Variants in RAB31 observed in about 807,000 individuals in gnomAD.
The protein encoded by RAB31 is RAB31, member RAS oncogene family.
RAB31 carries 21 observed loss-of-function variants against 25.6 expected under a neutral mutation model. The observed-to-expected ratio is 0.82, with a 90% CI of 0.58 to 1.18. RAB31 has a LOEUF of 1.18. RAB31 is among the 50% of genes most tolerant of loss of function. RAB31 has a pLI of 0.00. For synonymous variants in RAB31, 87 were observed against 84.0 expected (o/e 1.04, Z -0.20); for missense variants, 196 against 250.1 (o/e 0.78, Z 1.46).
chr18:9,805,658 C>T (rs550801014), intron 3 of RAB31, among the ~76,000 whole-genome samples: 16 of 152,322 alleles, frequency 1.1e-4, no homozygotes, highest in African/African-American at 3.9e-4. Context: ...CTATTCTGCC[C>T]ACCACACTCC....
chr18:9,773,272 C>T (rs931820182), intron 1 of RAB31, among the ~76,000 whole-genome samples: 2 of 152,102 alleles, frequency 1.3e-5, no homozygotes, highest in Non-Finnish European at 2.9e-5. Flanking sequence ...ATTTCAAATC[C>T]CACTTCATAT....
intron 2 of RAB31, among the ~76,000 whole-genome samples, chr18:9,785,936 C>G (rs944978675): frequency 2.0e-5 from 3 of 152,142 alleles, no homozygotes; most frequent in African/African-American, 7.2e-5. Flanking sequence ...TGGTGCATCC[C>G]TGTAATCCCA....
At chr18:9,737,307 G>GCA (rs138686159) in intron 1 of RAB31, among the ~76,000 whole-genome samples, 8 of 151,158 alleles carry the variant, frequency 5.3e-5, no homozygotes, top group East Asian at 3.9e-4. Flanking sequence ...GGTGACACGT[G>GCA]CACACACACA....
chr18:9,775,420 C>T (rs1450070015), intron 2 of RAB31, 63 bp downstream of exon 2: 4 of 1,601,362 alleles, frequency 2.5e-6, no homozygotes, highest in Non-Finnish European at 3.4e-6. Flanking sequence ...AATGACCACT[C>T]TGTCTGTGCC....
At position 9,719,330 on chromosome 18, in the gene RAB31, A is replaced by ATATATATAT. The variant is rs1568161334; in HGVS notation, c.39+10886_39+10887insTATATATAT. ...ATATATATATATATATATATATATA[A>ATATATATAT]ATAAATAAATTTGATCTAATTATGA... On this transcript the variant is annotated intron_variant, in intron 1 of 6. Transcript: ENST00000578921. 2.8e-3 allele frequency among the ~76,000 whole-genome samples: 95 copies of ATATATATAT among 33,666 alleles called. 8 individuals are homozygous for ATATATATAT. The highest frequency in any genetic ancestry group is 3.4e-3 in the Non-Finnish European group (62 of 18,416). 22.1% of individuals were successfully genotyped at this position (33,666 alleles called of 152,430 possible). A position where few individuals can be genotyped will look rare whatever the true frequency, so the allele number is the denominator to read the frequency against.
intron 2 of RAB31, among the ~76,000 whole-genome samples, chr18:9,786,471 C>T (rs895535438): frequency 6.6e-6 from 1 of 152,230 alleles, no homozygotes; most frequent in African/African-American, 2.4e-5. Flanking sequence ...TGAAGCCTGT[C>T]GATCAGAAGT....
intron 6 of RAB31, 69 bp from the exon 7 acceptor site, chr18:9,859,159 G>GT: frequency 7.5e-7 from 1 of 1,335,998 alleles, no homozygotes; most frequent in Non-Finnish European, 1.1e-6. Context: ...TTGAAGCAGG[G>GT]TGAAAATCTG....
chr18:9,733,883 G>C (rs1292701950), intron 1 of RAB31, among the ~76,000 whole-genome samples: 1 of 152,028 alleles, frequency 6.6e-6, no homozygotes, highest in African/African-American at 2.4e-5. Context: ...AAAAAAAATA[G>C]GAGGCATGGT....
At position 9,803,230 on chromosome 18, in the gene RAB31, T is replaced by C. The variant is rs191059389; in HGVS notation, c.202-10790T>C. ...GAGCACTGTGCTTTCTTTTCTTCTC[T>C]TTTTCCTTTCTTTTTTTTTTTTTTA... On this transcript the variant is annotated intron_variant, in intron 3 of 6. Coordinates refer to ENST00000578921, the MANE Select transcript of RAB31 (RefSeq NM_006868.4). Among the ~76,000 whole-genome samples the C allele has an allele frequency of 7.3e-3, 1,071 of 147,680 alleles. 3 individuals are homozygous for C. Among genetic ancestry groups the C allele is most frequent in the Non-Finnish European group, 0.012 (788 of 67,498 alleles).
intron 1 of RAB31, among the ~76,000 whole-genome samples, chr18:9,753,542 A>T (rs2068245787): frequency 6.6e-6 from 1 of 152,170 alleles, no homozygotes; most frequent in African/African-American, 2.4e-5. Context: ...TTTATAAATT[A>T]CTCAGTTTCA....
In RAB31 at chr18:9,815,121, A is replaced by C; in HGVS notation, c.279A>C (p.Ser93=). Reference sequence around the variant, plus strand: ...TGTGTACACTGTTGGTTTAGGATTCATTTTATACCTTGAAGAAATGGGTCA... The same window carrying C: ...TGTGTACACTGTTGGTTTAGGATTCCTTTTATACCTTGAAGAAATGGGTCA... ...VIVYDITKQD[S]FYTLKKWVKE... is the part of the protein sequence containing the mutation. Residue 93 remains serine, a synonymous_variant, in exon 5 of 7, where the codon TCA becomes TCC. Transcript: ENST00000578921. 1.3e-6 allele frequency: 2 copies of C among 1,543,794 alleles called. No individual in the cohort carries two copies. Among genetic ancestry groups the C allele is most frequent in the South Asian group, 1.2e-5 (1 of 83,928 alleles).
intron 1 of RAB31, among the ~76,000 whole-genome samples, chr18:9,772,882 G>T (rs1682736016): frequency 6.7e-6 from 1 of 148,392 alleles, no homozygotes; most frequent in South Asian, 2.1e-4. Context: ...TCCACAGGGG[G>T]TCTTAAGAAC....
At chr18:9,837,006 G>A (rs1329892538) in intron 5 of RAB31, among the ~76,000 whole-genome samples, 5 of 151,094 alleles carry the variant, frequency 3.3e-5, no homozygotes, top group Non-Finnish European at 4.4e-5. Context: ...AAAGGGGAGA[G>A]TCTGTGTGTG....
chr18:9,813,870 T>TA lies in RAB31; in HGVS notation c.202-147dup, dbSNP rs1287149049. 10 of 423,214 alleles carry TA rather than the reference T, an allele frequency of 2.4e-5. No homozygotes were observed. The East Asian group carries it at 2.6e-4, about 11-fold the overall frequency. 26.2% of individuals were successfully genotyped at this position (423,214 alleles called of 1,614,324 possible). On this transcript the variant is annotated intron_variant, in intron 3 of 6. Transcript: ENST00000578921. ...TCCATCTCAAAAAAATAAAATAAAA[T>TA]AAATAAATAATATGAACCATGGAAA...
intron 3 of RAB31, among the ~76,000 whole-genome samples, chr18:9,794,070 T>A (rs2068474901): frequency 6.6e-6 from 1 of 152,162 alleles, no homozygotes. Context: ...TTTTTAAATT[T>A]TTTTTGTAGA....
At chr18:9,804,480 G>A (rs1481267211) in intron 3 of RAB31, among the ~76,000 whole-genome samples, 1 of 152,164 alleles carries the variant, frequency 6.6e-6, no homozygotes, top group Non-Finnish European at 1.5e-5. Flanking sequence ...GTTTCAGGGG[G>A]TCTGGAGGTG....
chr18:9,740,555 ATGC>A (rs2068172847), intron 1 of RAB31, among the ~76,000 whole-genome samples: 1 of 152,102 alleles, frequency 6.6e-6, no homozygotes, highest in Non-Finnish European at 1.5e-5. Context: ...TCTACTAAAA[ATGC>A]AAAAATTAGC....
chr18:9,802,352 G>C (rs2068518185), intron 3 of RAB31, among the ~76,000 whole-genome samples: 1 of 152,190 alleles, frequency 6.6e-6, no homozygotes, highest in African/African-American at 2.4e-5. Flanking sequence ...ATGTAGGTTA[G>C]AAATGCTGAC....
chr18:9,787,354 T>C (rs2068438684), intron 2 of RAB31: 1 of 172,026 alleles, frequency 5.8e-6, no homozygotes, highest in South Asian at 1.4e-4. Flanking sequence ...GACATAAATG[T>C]GATTTATGTA....
Sources: gnomAD v4.1 joint callset for allele counts (sites outside exome capture counted in the v4.1 genomes callset) on GRCh38, gnomAD v4.1.1 for gene constraint, MANE v1.5 for transcripts, NCBI Gene and HGNC (gene_info 2026-07-23, HGNC 2026-07-21) for gene names.